Variants in SULF2 observed in about 807,000 individuals in gnomAD.
The protein encoded by SULF2 is extracellular sulfatase Sulf-2.
Under a neutral mutation model 107.7 loss-of-function variants are expected in SULF2, and 52 were observed. That is an observed-to-expected ratio of 0.48 (90% CI 0.39 to 0.61). The LOEUF (loss-of-function observed/expected upper bound fraction) is 0.61. Ranked by LOEUF, SULF2 falls within the 20% of genes least tolerant of loss-of-function variation. SULF2 has a pLI of 0.00. For synonymous variants in SULF2, 460 were observed against 464.3 expected, an observed-to-expected ratio of 0.99 and a Z score of 0.12; for missense variants, 993 against 1,177.3, an observed-to-expected ratio of 0.84 and a Z score of 2.29.
chr20:47,710,441 AG>A (rs1160882797), intron 3 of SULF2, among the ~76,000 whole-genome samples: 5 of 151,792 alleles, frequency 3.3e-5, no homozygotes, highest in Non-Finnish European at 7.4e-5. Flanking sequence ...CACATGCTGT[AG>A]GGGGGTTTGT....
At chr20:47,708,366 G>C (rs573598070) in intron 3 of SULF2, among the ~76,000 whole-genome samples, 3 of 152,264 alleles carry the variant, frequency 2.0e-5, no homozygotes, top group East Asian at 1.9e-4. Flanking sequence ...ACCCAAGGGG[G>C]ACAGTGAGGG....
chr20:47,779,906 CA>C (rs1308587319), intron 1 of SULF2, among the ~76,000 whole-genome samples: 3 of 152,082 alleles, frequency 2.0e-5, no homozygotes, highest in African/African-American at 7.2e-5. Flanking sequence ...CGCGTCCAGA[CA>C]GTTATCCATT....
At chr20:47,760,108 C>T (rs926169899) in intron 1 of SULF2, among the ~76,000 whole-genome samples, 5 of 152,190 alleles carry the variant, frequency 3.3e-5, no homozygotes, top group African/African-American at 1.2e-4. Flanking sequence ...ATCACTGATG[C>T]CTTGCCCCAG....
In SULF2 at chr20:47,758,836, T is replaced by C. The variant is rs60860568; in HGVS notation, c.-100-1373A>G. Among the ~76,000 whole-genome samples the C allele has an allele frequency of 3.7e-3, 558 of 152,294 alleles. 3 individuals carry two copies. The highest frequency in any genetic ancestry group is 0.013 in the African/African-American group (531 of 41,554). On this transcript the variant is annotated intron_variant, in intron 1 of 20. Coordinates refer to ENST00000688720, the MANE Select transcript of SULF2 (RefSeq NM_001387048.1). ...AAGCCAAGTGCTGTGGGGGTGGCTG[T>C]GTTGCTGTGACCTTGAAAGGGTCTG...
At chr20:47,759,771 G>C (rs2090377878) in intron 1 of SULF2, among the ~76,000 whole-genome samples, 1 of 152,216 alleles carries the variant, frequency 6.6e-6, no homozygotes, top group Non-Finnish European at 1.5e-5. Context: ...CATCACCTCA[G>C]AGAGGCCTGC....
intron 17 of SULF2, 32 bp from the exon 18 acceptor site, chr20:47,661,928 G>A: frequency 6.6e-7 from 1 of 1,521,718 alleles, no homozygotes; most frequent in South Asian, 1.3e-5. Context: ...TGTCAACAAG[G>A]TAAGTACAGG....
chr20:47,761,298 C>G (rs2090413833), intron 1 of SULF2, among the ~76,000 whole-genome samples: 1 of 152,188 alleles, frequency 6.6e-6, no homozygotes, highest in Non-Finnish European at 1.5e-5. Context: ...TTCTGCCCTC[C>G]CTCACCGTTC....
intron 1 of SULF2, among the ~76,000 whole-genome samples, chr20:47,783,637 TAAAA>T (rs774700499): frequency 2.0e-5 from 3 of 152,068 alleles, no homozygotes; most frequent in African/African-American, 4.8e-5. Context: ...TAAATTCAAA[TAAAA>T]AACCCAAGAA....
chr20:47,696,369 G>C (rs1418352567), intron 4 of SULF2, among the ~76,000 whole-genome samples: 2 of 151,052 alleles, frequency 1.3e-5, no homozygotes. Flanking sequence ...ACAAAGGACA[G>C]TGAAGTCTCA....
intron 1 of SULF2, among the ~76,000 whole-genome samples, chr20:47,758,896 C>A (rs2090356705): frequency 6.6e-6 from 1 of 152,152 alleles, no homozygotes; most frequent in Non-Finnish European, 1.5e-5. Context: ...CCCCAGCCAT[C>A]AGCTCAAAGT....
chr20:47,736,898 C>A lies in SULF2; in HGVS notation c.220G>T (p.Gly74Cys). 1 of 1,614,224 alleles carries A rather than the reference C, an allele frequency of 6.2e-7. No individual in the cohort carries two copies. The highest frequency in any genetic ancestry group is 8.5e-7 in the Non-Finnish European group (1 of 1,180,026). Residue 74 changes from glycine (G) to cysteine (C), a missense_variant, in exon 3 of 21, where the codon GGC becomes TGC. Gly to Cys is a radical substitution (Grantham distance 159). Around this residue, in one of 3 missense-constraint regions of SULF2, gnomAD observed 388 missense variants for 449.2 expected, o/e 0.86. Transcript: ENST00000688720. ...AAGGCGTTGATGAAGTGCGCCCCGCCCTGCTCCATGATGCGCCGGGTCTTG... is the reference window on the plus strand; with the variant it reads ...AAGGCGTTGATGAAGTGCGCCCCGCACTGCTCCATGATGCGCCGGGTCTTG... ...MNKTRRIMEQ[G>C]GAHFINAFVT...
chr20:47,675,090 T>C (rs1190496414), intron 10 of SULF2, among the ~76,000 whole-genome samples: 8 of 152,208 alleles, frequency 5.3e-5, no homozygotes, highest in African/African-American at 1.9e-4. Flanking sequence ...TCATTCTGGC[T>C]GCCCAAGCCC....
chr20:47,712,160 G>A lies in SULF2; in HGVS notation c.416-9490C>T, dbSNP rs560197294. ...AACTTCCAACTGGACTTCTGCCTCC[G>A]CAGCCTTCCCAGAGCCCAGACTTCC... On this transcript the variant is annotated intron_variant, in intron 3 of 20. Transcript: ENST00000688720. Among the ~76,000 whole-genome samples the A allele has an allele frequency of 9.9e-5, 15 of 152,274 alleles. No individual in the cohort carries two copies. In the South Asian group the frequency reaches 2.5e-3, roughly 25 times the overall value.
intron 3 of SULF2, among the ~76,000 whole-genome samples, chr20:47,712,754 C>T (rs1158972422): frequency 6.6e-6 from 1 of 152,184 alleles, no homozygotes; most frequent in Non-Finnish European, 1.5e-5. Flanking sequence ...GGATTCTAGG[C>T]CTGGTGTGGT....
At chr20:47,784,428 C>A (rs2090885431) in intron 1 of SULF2, among the ~76,000 whole-genome samples, 1 of 152,028 alleles carries the variant, frequency 6.6e-6, no homozygotes, top group Non-Finnish European at 1.5e-5. Context: ...TCGTCACAGG[C>A]AGGTCTGGCT....
intron 3 of SULF2, among the ~76,000 whole-genome samples, chr20:47,732,357 G>A (rs2089633376): frequency 6.6e-6 from 1 of 152,254 alleles, no homozygotes; most frequent in Non-Finnish European, 1.5e-5. Context: ...CATGCAGGCA[G>A]AAAGCAGCAG....
rs201995490 is a variant in SULF2 at position 47,683,147 on chromosome 20, G to A, written c.911C>T (p.Thr304Met). The change falls in exon 7 of 21, where the codon ACG (threonine) becomes ATG (methionine). Residue 304 changes from threonine (T) to methionine (M), a missense_variant. Physicochemically the swap from Thr to Met is moderately conservative, Grantham distance 81 (BLOSUM62 -1). Transcript: ENST00000688720. ...GATGTACGTGTTGTCCAGCTCGCCC[G>A]TCTCAACCAGCATGTTGTAAATCTG... Reference protein sequence around the residue: ...METIYNMLVETGELDNTYIVY... With the variant: ...METIYNMLVEMGELDNTYIVY... The A allele has an allele frequency of 1.3e-5, 21 of 1,604,820 alleles. No homozygotes were observed. Among genetic ancestry groups the A allele is most frequent in the East Asian group, 1.1e-4 (5 of 44,692 alleles).
chr20:47,763,129 T>C (rs118103560), intron 1 of SULF2, among the ~76,000 whole-genome samples: 10 of 152,066 alleles, frequency 6.6e-5, no homozygotes, highest in Non-Finnish European at 1.5e-4. Flanking sequence ...TGCCACTCCA[T>C]CCCTGCTGTG....
At chr20:47,740,704 G>A (rs2089857570) in intron 2 of SULF2, among the ~76,000 whole-genome samples, 2 of 152,148 alleles carry the variant, frequency 1.3e-5, no homozygotes, top group South Asian at 4.1e-4. Context: ...CGTACAAGTG[G>A]CACACAGATA....
Sources: allele counts gnomAD v4.1 joint callset (sites outside exome capture counted in the v4.1 genomes callset), GRCh38; gene constraint gnomAD v4.1.1; regional missense constraint gnomAD v4.1.1; transcripts MANE v1.5; gene names NCBI Gene and HGNC (gene_info 2026-07-23, HGNC 2026-07-21).